PCDH7: variants seen among roughly 807,000 people sequenced by gnomAD.
PCDH7 encodes protocadherin 7.
In PCDH7, 17 loss-of-function variants were observed where a neutral mutation model predicts 58.9. That is an observed-to-expected ratio of 0.29 (90% CI 0.20 to 0.43). The LOEUF is 0.43. PCDH7 is among the 20% of genes least tolerant of loss of function. The probability of loss-of-function intolerance (pLI) is 1.00; values close to 1 mark genes in which losing one functional copy is unlikely to be tolerated. For missense variants in PCDH7, 1,274 were observed against 1,441.0 expected (o/e 0.88, Z 1.88); for synonymous variants, 664 against 616.4 (o/e 1.08, Z -1.14).
chr4:30,931,523 G>A (rs561420888), intron 2 of PCDH7, among the ~76,000 whole-genome samples: 18 of 152,078 alleles, frequency 1.2e-4, no homozygotes, highest in African/African-American at 4.1e-4. Context: ...TGCAGTGAGT[G>A]AGATCATGCC....
At chr4:30,788,240 A>G (rs930398313) in intron 1 of PCDH7, among the ~76,000 whole-genome samples, 1 of 152,160 alleles carries the variant, frequency 6.6e-6, no homozygotes. Context: ...ACCAGTAATG[A>G]TATATCAACA....
At chr4:30,751,743 G>T (rs925225835) in intron 1 of PCDH7, among the ~76,000 whole-genome samples, 3 of 152,006 alleles carry the variant, frequency 2.0e-5, no homozygotes, top group Non-Finnish European at 4.4e-5. Context: ...TTTCACCTTT[G>T]GCTAGACAAT....
At chr4:30,726,428 A>G (rs187964062) in intron 1 of PCDH7, among the ~76,000 whole-genome samples, 254 of 152,118 alleles carry the variant, frequency 1.7e-3, no homozygotes, top group African/African-American at 5.8e-3. Flanking sequence ...TGGATATTTT[A>G]TGCAAACACT....
At chr4:30,799,141 T>A (rs2109304801) in intron 1 of PCDH7, among the ~76,000 whole-genome samples, 1 of 152,326 alleles carries the variant, frequency 6.6e-6, no homozygotes, top group African/African-American at 2.4e-5. Context: ...CCTTTAATTC[T>A]AATTAAAAGA....
intron 3 of PCDH7, among the ~76,000 whole-genome samples, chr4:31,069,860 CAA>C (rs371235514): frequency 0.23 from 35,429 of 150,856 alleles, 4,346 homozygotes; most frequent in South Asian, 0.33. Context: ...AAATTAATCT[CAA>C]ATTTTCTCCA....
At chr4:30,875,411 C>T (rs769378641) in intron 1 of PCDH7, among the ~76,000 whole-genome samples, 2 of 152,002 alleles carry the variant, frequency 1.3e-5, no homozygotes, top group South Asian at 4.1e-4. Flanking sequence ...AAGACTTTCA[C>T]GTATGGATTT....
chr4:30,909,246 A>C (rs1230008141), intron 1 of PCDH7, among the ~76,000 whole-genome samples: 2 of 152,192 alleles, frequency 1.3e-5, no homozygotes, highest in Admixed American at 1.3e-4. Context: ...CCAAAGCTGG[A>C]AGCATTCTGT....
intron 1 of PCDH7, among the ~76,000 whole-genome samples, chr4:30,761,655 A>G (rs1720039915): frequency 6.6e-6 from 1 of 152,210 alleles, no homozygotes; most frequent in Non-Finnish European, 1.5e-5. Context: ...GAGACAGCAT[A>G]ACTTGGGATA....
At chr4:30,781,604 T>C (rs1304947337) in intron 1 of PCDH7, among the ~76,000 whole-genome samples, 1 of 151,324 alleles carries the variant, frequency 6.6e-6, no homozygotes, top group Non-Finnish European at 1.5e-5. Context: ...TGGTGTGATC[T>C]TGGCTGATTG....
At chr4:30,914,391 A>G (rs1293199618) in intron 1 of PCDH7, among the ~76,000 whole-genome samples, 3 of 152,220 alleles carry the variant, frequency 2.0e-5, no homozygotes, top group Admixed American at 6.5e-5. Context: ...AGTATGTCAT[A>G]ATGGAAACAA....
At chr4:30,729,619 A>T (rs1715186392) in intron 1 of PCDH7, among the ~76,000 whole-genome samples, 1 of 152,070 alleles carries the variant, frequency 6.6e-6, no homozygotes, top group South Asian at 2.1e-4. Flanking sequence ...AATAGAAAAG[A>T]ATTAAAACAT....
At chr4:30,861,116 G>A (rs1250125576) in intron 1 of PCDH7, among the ~76,000 whole-genome samples, 1 of 152,144 alleles carries the variant, frequency 6.6e-6, no homozygotes, top group East Asian at 1.9e-4. Flanking sequence ...ATGTTCTTGG[G>A]TTGTTTGCTG....
In PCDH7 at chr4:31,131,425, C is replaced by A. The variant is rs189942699; in HGVS notation, c.*8-11048C>A. Among the ~76,000 whole-genome samples, 777 of 152,260 alleles carry A rather than the reference C, an allele frequency of 5.1e-3. 3 individuals are homozygous for A. Among genetic ancestry groups the A allele is most frequent in the Non-Finnish European group, 7.1e-3 (482 of 68,016 alleles). ...TGCTCTGCACTCCTGAGCTCTTCAA[C>A]ACTCTTTTGCTCCTAATTGTGATTG... On this transcript the variant is annotated intron_variant, in intron 3 of 3. Coordinates refer to the PCDH7 transcript ENST00000509759.
intron 2 of PCDH7, among the ~76,000 whole-genome samples, chr4:30,932,204 A>G (rs375773929): frequency 6.5e-4 from 99 of 152,304 alleles, no homozygotes; most frequent in African/African-American, 2.2e-3. Flanking sequence ...TGAGAAATAA[A>G]TTCAAATTGT....
At position 30,724,052 on chromosome 4, in the gene PCDH7, G is replaced by A. The variant is rs759840709; in HGVS notation, c.2630G>A (p.Arg877Lys). Residue 877 changes from arginine to lysine, a missense_variant, in exon 1 of 2, where the codon AGA (arginine) becomes AAA (lysine). Physicochemically the swap from Arg to Lys is conservative, Grantham distance 26 (BLOSUM62 2). This residue lies in a region of PCDH7 where 731 missense variants were observed against 881.9 expected (regional missense o/e 0.83). Coordinates refer to ENST00000361762, the Ensembl canonical transcript of PCDH7. Reference sequence around the variant, plus strand: ...CCAAGCTATGAAATTAGCAAACAGAGACTCAGTATTGTCATTGGCGTGGTT... The same window carrying A: ...CCAAGCTATGAAATTAGCAAACAGAAACTCAGTATTGTCATTGGCGTGGTT... 1.9e-6 allele frequency: 3 copies of A among 1,613,952 alleles called. No individual in the cohort carries two copies. The highest frequency in any genetic ancestry group is 2.5e-6 in the Non-Finnish European group (3 of 1,180,034).
chr4:30,744,639 C>G (rs1198768632), intron 1 of PCDH7, among the ~76,000 whole-genome samples: 1 of 152,156 alleles, frequency 6.6e-6, no homozygotes, highest in African/African-American at 2.4e-5. Context: ...GAAAGGATGA[C>G]ACTTGGCACT....
chr4:30,787,642 G>A (rs1200269559), intron 1 of PCDH7, among the ~76,000 whole-genome samples: 1 of 152,042 alleles, frequency 6.6e-6, no homozygotes, highest in Non-Finnish European at 1.5e-5. Flanking sequence ...ATATGCAGAA[G>A]AGGGCCTTTT....
At chr4:31,064,037 G>T (rs73218813) in intron 3 of PCDH7, among the ~76,000 whole-genome samples, 18,333 of 151,860 alleles carry the variant, frequency 0.12, 1,336 homozygotes, top group East Asian at 0.26. Context: ...AGATTTAAAT[G>T]TTTACAGTAT....
intron 1 of PCDH7, among the ~76,000 whole-genome samples, chr4:30,806,905 A>G (rs1465122379): frequency 6.6e-6 from 1 of 152,128 alleles, no homozygotes; most frequent in African/African-American, 2.4e-5. Flanking sequence ...TTACCTGATT[A>G]TCTACATTTT....
Sources: allele counts gnomAD v4.1 joint callset (sites outside exome capture counted in the v4.1 genomes callset), GRCh38; gene constraint gnomAD v4.1.1; regional missense constraint gnomAD v4.1.1; transcripts MANE v1.5; gene names NCBI Gene and HGNC (gene_info 2026-07-23, HGNC 2026-07-21).